HMGCS2: variants seen among roughly 807,000 people sequenced by gnomAD.
HMGCS2 encodes the protein 3-hydroxy-3-methylglutaryl-CoA synthase 2.
A neutral mutation model predicts 57.4 loss-of-function variants in HMGCS2; 50 were observed. The ratio of observed to expected loss-of-function variants is 0.87; its 90% CI spans 0.69 to 1.10. The LOEUF is 1.10. Among genes scored for constraint, HMGCS2 ranks in the 50% least tolerant of loss-of-function variants. The probability of loss-of-function intolerance (pLI) is 0.00; values close to 1 mark genes in which losing one functional copy is unlikely to be tolerated. For synonymous variants in HMGCS2, 254 were observed against 245.1 expected (o/e 1.04, Z -0.34); for missense variants, 627 against 636.5 (o/e 0.99, Z 0.16).
At chr1:119,752,814 G>T in intron 7 of HMGCS2, 140 bp from the exon 8 acceptor site, 1 of 933,624 alleles carries the variant, frequency 1.1e-6, no homozygotes, top group Admixed American at 1.9e-5. Flanking sequence ...AGAATACCAA[G>T]AAATGATAAG....
intron 4 of HMGCS2, among the ~76,000 whole-genome samples, chr1:119,758,226 T>C (rs374678156): frequency 6.6e-6 from 1 of 152,270 alleles, no homozygotes; most frequent in Non-Finnish European, 1.5e-5. Context: ...AACTGTATTT[T>C]ATTTTTATTT....
chr1:119,748,733 T>C lies in HMGCS2; in HGVS notation c.*114A>G, dbSNP rs1248273681. 1 of 152,230 alleles carries C rather than the reference T, an allele frequency of 6.6e-6. No individual in the cohort carries two copies. Among genetic ancestry groups the C allele is most frequent in the Non-Finnish European group, 1.5e-5 (1 of 68,048 alleles). The allele number at this position is 152,230 out of a possible 1,614,324, so 9.4% of individuals were successfully genotyped here. ...GGCTGATGCTTATGGGGCTACTATGTCGATTCAAATTCATTTACCAGCTAA... is the reference window on the plus strand; with the variant it reads ...GGCTGATGCTTATGGGGCTACTATGCCGATTCAAATTCATTTACCAGCTAA... On this transcript the variant is annotated 3_prime_UTR_variant, in exon 10 of 10. Coordinates refer to ENST00000369406, the MANE Select transcript of HMGCS2 (RefSeq NM_005518.4).
chr1:119,767,725 G>T (rs1653283056), intron 1 of HMGCS2, among the ~76,000 whole-genome samples: 2 of 152,174 alleles, frequency 1.3e-5, no homozygotes, highest in African/African-American at 4.8e-5. Flanking sequence ...TCAGAATGTT[G>T]GGGAGGATTG....
intron 2 of HMGCS2, among the ~76,000 whole-genome samples, chr1:119,760,540 G>A (rs951429795): frequency 2.0e-5 from 3 of 152,154 alleles, no homozygotes; most frequent in African/African-American, 7.2e-5. Flanking sequence ...AGTTCTGACT[G>A]GATCCTGAAC....
chr1:119,758,153 C>T (rs879913752), intron 4 of HMGCS2, among the ~76,000 whole-genome samples: 15 of 152,268 alleles, frequency 9.9e-5, no homozygotes, highest in African/African-American at 3.1e-4. Context: ...CTGTCTTTTG[C>T]GGATGCCCAT....
At chr1:119,750,628 T>C (rs990635003) in intron 9 of HMGCS2, among the ~76,000 whole-genome samples, 169 bp downstream of exon 9, 1 of 152,178 alleles carries the variant, frequency 6.6e-6, no homozygotes, top group Non-Finnish European at 1.5e-5. Context: ...GAATACTTGC[T>C]TTTCCTTTTA....
intron 9 of HMGCS2, among the ~76,000 whole-genome samples, chr1:119,749,439 A>G (rs1486397769): frequency 1.4e-5 from 2 of 146,448 alleles, no homozygotes; most frequent in Non-Finnish European, 3.0e-5. Flanking sequence ...TGAATGAACT[A>G]AGTTGACACA....
At chr1:119,759,454 T>C in intron 3 of HMGCS2, 172 bp from the exon 4 acceptor site, 1 of 699,982 alleles carries the variant, frequency 1.4e-6, no homozygotes, top group East Asian at 2.7e-5. Flanking sequence ...AGGTTGTTGG[T>C]ATTACAAAAA....
Position 119,757,123 on chromosome 1 carries a change from C to T in HMGCS2, c.1016+150G>A. On this transcript the variant is annotated intron_variant, in intron 5 of 9. Coordinates refer to ENST00000369406, the MANE Select transcript of HMGCS2 (RefSeq NM_005518.4). ...CCTACCCAGACAATAACCCACTACCCCGTGGAAGGACCTGGGATTGTTCCT... is the reference window on the plus strand; with the variant it reads ...CCTACCCAGACAATAACCCACTACCTCGTGGAAGGACCTGGGATTGTTCCT... 5.5e-6 allele frequency: 7 copies of T among 1,267,526 alleles called. No homozygotes were observed. The South Asian group carries it at 6.5e-5, about 12-fold the overall frequency. The allele number at this position is 1,267,526 out of a possible 1,614,324, so 78.5% of individuals were successfully genotyped here. A position where few individuals can be genotyped will look rare whatever the true frequency, so the allele number is the denominator to read the frequency against.
intron 2 of HMGCS2, among the ~76,000 whole-genome samples, chr1:119,763,802 G>C (rs1480208870): frequency 6.6e-6 from 1 of 152,146 alleles, no homozygotes; most frequent in East Asian, 1.9e-4. Context: ...ATCTCTCAGA[G>C]ACTTAGGACA....
chr1:119,752,838 T>C (rs1351302454), intron 7 of HMGCS2, among the ~76,000 whole-genome samples, 164 bp from the exon 8 acceptor site: 1 of 152,238 alleles, frequency 6.6e-6, no homozygotes, highest in Non-Finnish European at 1.5e-5. Context: ...GCATACTTGT[T>C]AGCAAAACAT....
At chr1:119,757,932 G>A (rs1232992158) in intron 4 of HMGCS2, among the ~76,000 whole-genome samples, 5 of 152,226 alleles carry the variant, frequency 3.3e-5, no homozygotes, top group African/African-American at 1.2e-4. Flanking sequence ...ATGCAAATAA[G>A]GAGTAAAATT....
At chr1:119,762,164 A>T (rs1046163226) in intron 2 of HMGCS2, among the ~76,000 whole-genome samples, 2 of 152,254 alleles carry the variant, frequency 1.3e-5, no homozygotes, top group Non-Finnish European at 2.9e-5. Flanking sequence ...CATATCCATC[A>T]AGAATATTGT....
At chr1:119,761,943 T>C (rs1653058805) in intron 2 of HMGCS2, among the ~76,000 whole-genome samples, 1 of 152,248 alleles carries the variant, frequency 6.6e-6, no homozygotes, top group Admixed American at 6.5e-5. Context: ...ATTGTAGGAA[T>C]GTAAGTTAGT....
chr1:119,759,936 C>A lies in HMGCS2; in HGVS notation c.613G>T (p.Ala205Ser). The change falls in exon 3 of 10, where the codon GCT becomes TCT. Residue 205 changes from alanine (A) to serine (S), a missense_variant. Transcript: ENST00000369406. ...GDIAVYPSGN[A>S]RPTGGAGAVA... is the part of the protein sequence containing the mutation. ...GCTCCGGCCCCACCTGTGGGACGAG[C>A]ATTACCACTGGGATAGACGGCAATG... 3 of 1,614,104 alleles carry A rather than the reference C, an allele frequency of 1.9e-6. No individual in the cohort carries two copies. The South Asian group carries it at 3.3e-5, about 18-fold the overall frequency.
At chr1:119,754,681 G>A (rs1652774363) in intron 6 of HMGCS2, among the ~76,000 whole-genome samples, 2 of 152,200 alleles carry the variant, frequency 1.3e-5, no homozygotes, top group African/African-American at 4.8e-5. Context: ...GTTGGGGAAG[G>A]TGAGGTGCAT....
In HMGCS2 at chr1:119,757,398, G is replaced by GTAC. The variant is rs764306891; in HGVS notation, c.888_890dup (p.Gln296_Tyr297insTer). On this transcript the variant is annotated stop_gained, in exon 5 of 10. Coordinates refer to ENST00000369406, the MANE Select transcript of HMGCS2 (RefSeq NM_005518.4). LOFTEE classifies it high-confidence loss of function. ...TGCAAAAGGGTGTATGAAAGATCAT[G>GTAC]TACTGTAAATCGTCAAGGGTGAAGG... 6.2e-7 allele frequency: 1 copy of GTAC among 1,614,152 alleles called. No homozygotes were observed. Among genetic ancestry groups the GTAC allele is most frequent in the African/African-American group, 1.3e-5 (1 of 75,040 alleles).
At chr1:119,755,974 T>C (rs1453023145) in intron 5 of HMGCS2, among the ~76,000 whole-genome samples, 1 of 152,168 alleles carries the variant, frequency 6.6e-6, no homozygotes, top group Non-Finnish European at 1.5e-5. Flanking sequence ...CATGACAGGA[T>C]GTACCGCACT....
chr1:119,757,172 GT>G, intron 5 of HMGCS2, 100 bp downstream of exon 5: 3 of 1,587,514 alleles, frequency 1.9e-6, no homozygotes, highest in Non-Finnish European at 2.6e-6. Context: ...ATTGCCATTT[GT>G]CCCCCACAGG....
Sources: gnomAD v4.1 joint callset for allele counts (sites outside exome capture counted in the v4.1 genomes callset) on GRCh38, gnomAD v4.1.1 for gene constraint, MANE v1.5 for transcripts, NCBI Gene and HGNC (gene_info 2026-07-23, HGNC 2026-07-21) for gene names.